FYB1: variants seen among roughly 807,000 people sequenced by gnomAD.
FYB1 encodes the protein FYN-binding protein 1.
A neutral mutation model predicts 94.1 loss-of-function variants in FYB1; 41 were observed. The observed-to-expected ratio is 0.44, with a 90% confidence interval of 0.34 to 0.57. FYB1 has a LOEUF of 0.57. FYB1 is among the 20% of genes least tolerant of loss of function. FYB1 has a pLI of 0.02. For missense variants in FYB1, 1,050 were observed against 976.8 expected (o/e 1.07, Z -1.00); for synonymous variants, 367 against 353.2 (o/e 1.04, Z -0.44).
chr5:39,147,214 A>T (rs1742734070), intron 3 of FYB1, among the ~76,000 whole-genome samples: 1 of 152,096 alleles, frequency 6.6e-6, no homozygotes, highest in African/African-American at 2.4e-5. Flanking sequence ...TAGAAAGCTT[A>T]TTAGTGCTTT....
intron 1 of FYB1, among the ~76,000 whole-genome samples, chr5:39,208,308 C>T (rs1459193889): frequency 6.6e-6 from 1 of 152,082 alleles, no homozygotes; most frequent in Non-Finnish European, 1.5e-5. Flanking sequence ...TTACTCTTCC[C>T]TATATAAAGC....
intron 1 of FYB1, among the ~76,000 whole-genome samples, chr5:39,259,803 T>A (rs144040022): frequency 2.0e-5 from 3 of 152,042 alleles, no homozygotes; most frequent in Admixed American, 2.0e-4. Flanking sequence ...TTCCAAAAAT[T>A]GGAAATACAA....
intron 1 of FYB1, among the ~76,000 whole-genome samples, chr5:39,236,490 A>G (rs1750972792): frequency 6.6e-6 from 1 of 152,098 alleles, no homozygotes; most frequent in Non-Finnish European, 1.5e-5. Flanking sequence ...AGGAATTATA[A>G]TGGTTTGGAA....
intron 1 of FYB1, among the ~76,000 whole-genome samples, chr5:39,208,701 C>A (rs994089861): frequency 2.0e-5 from 3 of 152,086 alleles, no homozygotes; most frequent in African/African-American, 7.2e-5. Context: ...GAGATTGCAG[C>A]CAGGGCGGGT....
chr5:39,273,456 T>C (rs918918526), intron 1 of FYB1, among the ~76,000 whole-genome samples: 1 of 152,190 alleles, frequency 6.6e-6, no homozygotes, highest in Non-Finnish European at 1.5e-5. Context: ...GTATATCTCC[T>C]GTGAAGCCAG....
intron 16 of FYB1, among the ~76,000 whole-genome samples, chr5:39,113,219 G>A (rs1382719023): frequency 1.3e-5 from 2 of 151,938 alleles, no homozygotes; most frequent in Non-Finnish European, 2.9e-5. Context: ...CTTTGTTCAT[G>A]TTACACATGT....
intron 2 of FYB1, among the ~76,000 whole-genome samples, chr5:39,186,967 T>C (rs1242384978): frequency 6.6e-6 from 1 of 152,154 alleles, no homozygotes; most frequent in African/African-American, 2.4e-5. Flanking sequence ...TTGGTACAGC[T>C]GGTACTGGAA....
intron 2 of FYB1, among the ~76,000 whole-genome samples, chr5:39,159,497 G>A (rs997404155): frequency 6.6e-6 from 1 of 152,126 alleles, no homozygotes; most frequent in Non-Finnish European, 1.5e-5. Context: ...GAGTCTCACT[G>A]AGATCTTACC....
intron 2 of FYB1, among the ~76,000 whole-genome samples, chr5:39,184,181 A>G (rs998994820): frequency 1.7e-4 from 26 of 152,202 alleles, no homozygotes; most frequent in African/African-American, 6.0e-4. Context: ...ATTATTCCCA[A>G]AAACTATCTA....
At chr5:39,179,473 C>A (rs1278270698) in intron 2 of FYB1, among the ~76,000 whole-genome samples, 2 of 152,112 alleles carry the variant, frequency 1.3e-5, no homozygotes, top group Non-Finnish European at 2.9e-5. Flanking sequence ...CTTCACACCT[C>A]TCCATTTCTC....
At chr5:39,153,353 A>C (rs1743425138) in intron 3 of FYB1, 95 bp downstream of exon 3, 3 of 1,480,086 alleles carry the variant, frequency 2.0e-6, no homozygotes, top group Non-Finnish European at 2.8e-6. Context: ...TAGACCCAGA[A>C]GTTTCCCATG....
intron 3 of FYB1, among the ~76,000 whole-genome samples, chr5:39,148,155 T>TTTTATATATA (rs1742876290): frequency 2.7e-5 from 1 of 37,658 alleles, no homozygotes; most frequent in Non-Finnish European, 4.2e-5. Context: ...TATGTATTTT[T>TTTTATATATA]TATATATATA....
At position 39,144,491 on chromosome 5, in the gene FYB1, G is replaced by A. The variant is rs544532940; in HGVS notation, c.1293-3350C>T. ...AAAGAATTAAAAAAAGACATGGAGAGTGAACTTATATCTTAAAAGAGAATA... is the reference window on the plus strand; with the variant it reads ...AAAGAATTAAAAAAAGACATGGAGAATGAACTTATATCTTAAAAGAGAATA... On this transcript the variant is annotated intron_variant, in intron 3 of 18. Coordinates refer to ENST00000512982, the MANE Select transcript of FYB1 (RefSeq NM_001465.6). Among the ~76,000 whole-genome samples, 9 of 152,184 alleles carry A rather than the reference G, an allele frequency of 5.9e-5. 1 individual carries two copies. Among genetic ancestry groups the A allele is most frequent in the African/African-American group, 1.9e-4 (8 of 41,526 alleles).
chr5:39,217,921 A>G (rs763682942), intron 1 of FYB1, among the ~76,000 whole-genome samples: 5 of 152,218 alleles, frequency 3.3e-5, no homozygotes, highest in Non-Finnish European at 7.3e-5. Context: ...GAGGCTGGTA[A>G]AAGCTTCAAA....
At chr5:39,216,823 G>T (rs1749907528) in intron 1 of FYB1, among the ~76,000 whole-genome samples, 1 of 152,208 alleles carries the variant, frequency 6.6e-6, no homozygotes, top group African/African-American at 2.4e-5. Context: ...CCTGCACTTA[G>T]AAGCAAAGTC....
At chr5:39,155,946 T>A (rs1012373770) in intron 2 of FYB1, among the ~76,000 whole-genome samples, 7 of 152,182 alleles carry the variant, frequency 4.6e-5, no homozygotes, top group Non-Finnish European at 8.8e-5. Flanking sequence ...ATAAATAATA[T>A]GGTTCAGTAG....
intron 2 of FYB1, among the ~76,000 whole-genome samples, chr5:39,160,936 A>G (rs536605002): frequency 2.0e-4 from 30 of 152,322 alleles, no homozygotes; most frequent in African/African-American, 6.7e-4. Flanking sequence ...GCTCGAAATG[A>G]CATGCTAATT....
intron 1 of FYB1, among the ~76,000 whole-genome samples, chr5:39,227,709 C>T (rs961264911): frequency 1.3e-5 from 2 of 152,300 alleles, no homozygotes; most frequent in Non-Finnish European, 2.9e-5. Flanking sequence ...CCAGAGTTTG[C>T]CATAATGGCT....
intron 2 of FYB1, among the ~76,000 whole-genome samples, chr5:39,164,487 T>C (rs1455484970): frequency 4.6e-5 from 7 of 152,194 alleles, no homozygotes; most frequent in African/African-American, 1.4e-4. Context: ...TGCAGTGATG[T>C]GATCTCAGCT....
Sources: allele counts gnomAD v4.1 joint callset (sites outside exome capture counted in the v4.1 genomes callset), GRCh38; gene constraint gnomAD v4.1.1; transcripts MANE v1.5; gene names NCBI Gene and HGNC (gene_info 2026-07-23, HGNC 2026-07-21).